Variants in PAOX observed in about 807,000 individuals in gnomAD.
The protein encoded by PAOX is peroxisomal N(1)-acetyl-spermine/spermidine oxidase.
A neutral mutation model predicts 39.0 loss-of-function variants in PAOX; 38 were observed. The ratio of observed to expected loss-of-function variants is 0.97; its 90% CI spans 0.75 to 1.28. The LOEUF (loss-of-function observed/expected upper bound fraction) is 1.28. PAOX is among the 50% of genes most tolerant of loss of function. The pLI is 0.00. For synonymous variants in PAOX, 311 were observed against 314.4 expected, an observed-to-expected ratio of 0.99 and a Z score of 0.11; for missense variants, 667 against 685.7, an observed-to-expected ratio of 0.97 and a Z score of 0.30.
At chr10:133,380,558 G>C in intron 2 of PAOX, 73 bp downstream of exon 2, 1 of 1,487,704 alleles carries the variant, frequency 6.7e-7, no homozygotes, top group Non-Finnish European at 8.9e-7. Flanking sequence ...GCTGAGCTCC[G>C]CTCTTGCTTG....
rs1035623200 is a variant in PAOX at position 133,384,925 on chromosome 10, C to A, written c.1121+713C>A. 2.0e-5 allele frequency among the ~76,000 whole-genome samples: 3 copies of A among 152,190 alleles called. No homozygotes were observed. The highest frequency in any genetic ancestry group is 7.2e-5 in the African/African-American group (3 of 41,442). ...GTTCATAGTTGCCATCCACTGGGAG[C>A]AGGAGGCTGCAGGCTGCAGACCAGC... is the stretch of plus-strand genomic sequence containing the variant. On this transcript the variant is annotated intron_variant, in intron 4 of 6. Transcript: ENST00000278060. The surrounding 1 kb of genome is among the most constrained non-coding windows in gnomAD (Gnocchi z 4.3).
At chr10:133,383,833 C>A in intron 3 of PAOX, 127 bp from the exon 4 acceptor site, 1 of 1,266,938 alleles carries the variant, frequency 7.9e-7, no homozygotes, top group Non-Finnish European at 1.1e-6. Flanking sequence ...AAAAGTAAAA[C>A]TGCTTGTGTG....
chr10:133,390,714 G>T, intron 6 of PAOX: 1 of 546,602 alleles, frequency 1.8e-6, no homozygotes, highest in East Asian at 3.1e-5. Context: ...CAGTGAACCT[G>T]CTTGGAAATG....
At chr10:133,388,736 G>A (rs1849589548) in intron 4 of PAOX, among the ~76,000 whole-genome samples, 1 of 152,220 alleles carries the variant, frequency 6.6e-6, no homozygotes, top group Admixed American at 6.5e-5. Flanking sequence ...GACGCTCTGT[G>A]GGGTGGCTCT....
At position 133,384,224 on chromosome 10, in the gene PAOX, C is replaced by T. The variant is rs1011224912; in HGVS notation, c.1121+12C>T. 3.1e-6 allele frequency: 5 copies of T among 1,610,516 alleles called. No homozygotes were observed. The highest frequency in any genetic ancestry group is 2.2e-5 in the East Asian group (1 of 44,806). The stretch of plus-strand genomic sequence containing the variant: ...CTGCCTGCCTTTGCGTACGTTTGCT[C>T]CCTGAGAAGTTCTGCGAGTGGCTGG... On this transcript the variant is annotated intron_variant, in intron 4 of 6. Transcript: ENST00000278060. This position sits in a 1 kb window ranked among gnomAD's most constrained non-coding sequence, Gnocchi z 4.3.
At chr10:133,383,395 G>A (rs1349759585) in intron 3 of PAOX, among the ~76,000 whole-genome samples, 2 of 151,594 alleles carry the variant, frequency 1.3e-5, no homozygotes, top group Admixed American at 6.6e-5. Context: ...CTGAGGTCAC[G>A]AGTTCAAGAC....
chr10:133,387,096 T>TAGCA (rs776900185), intron 4 of PAOX, among the ~76,000 whole-genome samples: 33 of 151,842 alleles, frequency 2.2e-4, no homozygotes, highest in Non-Finnish European at 3.2e-4. Flanking sequence ...CTGGGCAACA[T>TAGCA]AGCAAGACCC....
chr10:133,390,731 C>G (rs1406589018), intron 6 of PAOX: 4 of 562,114 alleles, frequency 7.1e-6, no homozygotes, highest in Non-Finnish European at 1.3e-5. Context: ...AATGTTGCTT[C>G]TTGAGTTTTC....
rs551048281 is a variant in PAOX at position 133,388,814 on chromosome 10, G to A, written c.1122-142G>A. 1.3e-4 allele frequency: 98 copies of A among 773,230 alleles called. 1 individual carries two copies. In the East Asian group the frequency reaches 2.4e-3, roughly 19 times the overall value. 47.9% of individuals were successfully genotyped at this position (773,230 alleles called of 1,614,324 possible). On this transcript the variant is annotated intron_variant, in intron 4 of 6. Coordinates refer to ENST00000278060, the MANE Select transcript of PAOX (RefSeq NM_152911.4). ...AGAAACGCGGGCGGAGAGCTGGGCT[G>A]GACACTGTCATCCCGGGGCTCTCTT...
chr10:133,389,454 GAC>G (rs1446093379), intron 5 of PAOX, 134 bp from the exon 6 acceptor site: 3 of 1,312,518 alleles, frequency 2.3e-6, no homozygotes, highest in Non-Finnish European at 3.2e-6. Flanking sequence ...AGCCTCTCCT[GAC>G]ACACTCTGCT....
intron 6 of PAOX, chr10:133,390,881 T>A: frequency 1.7e-6 from 1 of 593,472 alleles, no homozygotes; most frequent in Admixed American, 2.2e-5. Flanking sequence ...CTATTCAGTG[T>A]TTACACCCCT....
At chr10:133,389,836 G>T in intron 6 of PAOX, 89 bp downstream of exon 6, 1 of 1,314,242 alleles carries the variant, frequency 7.6e-7, no homozygotes, top group Non-Finnish European at 9.8e-7. Context: ...AGCCAGTGGC[G>T]GGTGGGCTGG....
At chr10:133,382,995 C>T (rs969729160) in intron 3 of PAOX, 2 of 152,150 alleles carry the variant, frequency 1.3e-5, no homozygotes, top group East Asian at 3.9e-4. Context: ...TCAGTAGATA[C>T]ATTGCTACAA....
Position 133,389,085 on chromosome 10 carries a change from C to T in PAOX, c.1234+17C>T, listed in dbSNP as rs758039953. ...GAGTGACAGGTAGGTACTCACCACA[C>T]ACGCTGGTTCCTGCCTCTGCTCGTT... On this transcript the variant is annotated intron_variant, in intron 5 of 6. Coordinates refer to ENST00000278060, the MANE Select transcript of PAOX (RefSeq NM_152911.4). The T allele has an allele frequency of 6.4e-7, 1 of 1,569,984 alleles. No individual in the cohort carries two copies. Among genetic ancestry groups the T allele is most frequent in the East Asian group, 2.2e-5 (1 of 44,638 alleles).
chr10:133,385,738 C>A (rs1589896614), intron 4 of PAOX, among the ~76,000 whole-genome samples: 1 of 152,094 alleles, frequency 6.6e-6, no homozygotes. Context: ...CACCCACCAC[C>A]ACGCCCGGCT....
intron 4 of PAOX, among the ~76,000 whole-genome samples, chr10:133,388,449 A>G (rs1589899376): frequency 6.6e-6 from 1 of 152,236 alleles, no homozygotes; most frequent in Non-Finnish European, 1.5e-5. Flanking sequence ...TGCAAAGGAC[A>G]TGATCTCGTT....
intron 4 of PAOX, among the ~76,000 whole-genome samples, chr10:133,385,954 T>C (rs1849520865): frequency 6.6e-6 from 1 of 152,232 alleles, no homozygotes; most frequent in Non-Finnish European, 1.5e-5. Flanking sequence ...TAAATAACAT[T>C]TTTAAATGAA....
Position 133,384,297 on chromosome 10 carries a change from T to C in PAOX, c.1121+85T>C, listed in dbSNP as rs1849478773. ...AGGACGCAGCAGTGTGTCTGTTCAC[T>C]GCAGGGTATTTCTAGGGGGTTTAAT... On this transcript the variant is annotated intron_variant, in intron 4 of 6. Coordinates refer to ENST00000278060, the MANE Select transcript of PAOX (RefSeq NM_152911.4). The surrounding 1 kb of genome is among the most constrained non-coding windows in gnomAD (Gnocchi z 4.3). The C allele has an allele frequency of 1.9e-6, 3 of 1,544,660 alleles. No homozygotes were observed. The highest frequency in any genetic ancestry group is 1.2e-5 in the South Asian group (1 of 80,818).
chr10:133,385,804 C>T (rs910814613), intron 4 of PAOX, among the ~76,000 whole-genome samples: 8 of 151,972 alleles, frequency 5.3e-5, no homozygotes, highest in Admixed American at 2.0e-4. Context: ...AGGATGGTCT[C>T]GATCTCCTGA....
Sources: gnomAD v4.1 joint callset for allele counts (sites outside exome capture counted in the v4.1 genomes callset) on GRCh38, gnomAD v4.1.1 for gene constraint, Gnocchi (gnomAD v3.1) non-coding constraint, MANE v1.5 for transcripts, NCBI Gene and HGNC (gene_info 2026-07-23, HGNC 2026-07-21) for gene names.